The following PCCA variants were observed in gnomAD, a reference collection of about 807,000 sequenced individuals.
PCCA encodes propionyl-CoA carboxylase alpha chain, mitochondrial.
A neutral mutation model predicts 101.3 loss-of-function variants in PCCA; 74 were observed. The ratio of observed to expected loss-of-function variants is 0.73; its 90% confidence interval spans 0.61 to 0.89. PCCA has a LOEUF of 0.89. PCCA is among the 40% of genes least tolerant of loss of function. PCCA has a pLI of 0.00. For missense variants in PCCA, 891 were observed against 907.0 expected (o/e 0.98, Z 0.23); for synonymous variants, 294 against 313.6 (o/e 0.94, Z 0.66).
intron 16 of PCCA, among the ~76,000 whole-genome samples, chr13:100,322,570 A>AT (rs1273935973): frequency 5.7e-4 from 83 of 145,332 alleles, no homozygotes; most frequent in South Asian, 1.5e-3. Context: ...CTTTTTTTTA[A>AT]TTTTTTTTTT....
chr13:100,168,083 G>T (rs1434997121), intron 6 of PCCA, among the ~76,000 whole-genome samples: 2 of 152,062 alleles, frequency 1.3e-5, no homozygotes, highest in East Asian at 3.9e-4. Flanking sequence ...TAACAATCCA[G>T]TTGAACACAT....
In PCCA at chr13:100,226,617, C is replaced by A. The variant is rs576600932; in HGVS notation, c.601-9225C>A. On this transcript the variant is annotated intron_variant, in intron 7 of 23. Coordinates refer to ENST00000376285, the MANE Select transcript of PCCA (RefSeq NM_000282.4). The stretch of plus-strand genomic sequence containing the variant: ...TACCGAGTTCGTAGATCGTCTGATC[C>A]AGTGCATTATAAGAGAGGAAGTACA... Among the ~76,000 whole-genome samples, 2 of 152,248 alleles carry A rather than the reference C, an allele frequency of 1.3e-5. 1 individual carries two copies. Among genetic ancestry groups the A allele is most frequent in the South Asian group, 4.2e-4 (2 of 4,818 alleles).
chr13:100,115,732 G>A (rs568156440), intron 4 of PCCA, among the ~76,000 whole-genome samples: 3 of 152,134 alleles, frequency 2.0e-5, no homozygotes, highest in African/African-American at 7.2e-5. Context: ...CAAAAGAATT[G>A]TTGTTAGGTT....
chr13:100,095,991 G>A (rs1305908101), intron 1 of PCCA, among the ~76,000 whole-genome samples: 1 of 152,312 alleles, frequency 6.6e-6, no homozygotes, highest in East Asian at 1.9e-4. Flanking sequence ...CCAAGCTAGA[G>A]ATGATGGTAA....
intron 7 of PCCA, among the ~76,000 whole-genome samples, chr13:100,233,692 A>AG (rs2060622627): frequency 1.3e-5 from 2 of 152,188 alleles, no homozygotes; most frequent in African/African-American, 4.8e-5. Flanking sequence ...GTCCTCAGTA[A>AG]AGTATTTTTG....
At chr13:100,489,340 T>C (rs2084702245) in intron 21 of PCCA, among the ~76,000 whole-genome samples, 1 of 152,052 alleles carries the variant, frequency 6.6e-6, no homozygotes, top group Non-Finnish European at 1.5e-5. Flanking sequence ...AACACAGCCA[T>C]GCTCATTCCT....
intron 19 of PCCA, among the ~76,000 whole-genome samples, chr13:100,383,770 A>G (rs973537520): frequency 1.3e-5 from 2 of 152,206 alleles, no homozygotes; most frequent in Non-Finnish European, 2.9e-5. Flanking sequence ...TGTAGTATTC[A>G]TATAATTGAA....
intron 16 of PCCA, among the ~76,000 whole-genome samples, chr13:100,312,153 C>T (rs748080318): frequency 1.3e-5 from 2 of 152,054 alleles, no homozygotes; most frequent in Non-Finnish European, 2.9e-5. Flanking sequence ...TGATACTATC[C>T]CTGATTTCAA....
At chr13:100,203,496 C>T (rs1446390904) in intron 6 of PCCA, among the ~76,000 whole-genome samples, 1 of 151,988 alleles carries the variant, frequency 6.6e-6, no homozygotes, top group African/African-American at 2.4e-5. Context: ...TCGAGACCAG[C>T]TCGGCCAACA....
At chr13:100,132,321 G>GAGTCATTACCCCTCAGAC (rs1555353088) in intron 4 of PCCA, among the ~76,000 whole-genome samples, 3 of 151,930 alleles carry the variant, frequency 2.0e-5, no homozygotes, top group African/African-American at 2.4e-5. Context: ...ACTCCCTTGT[G>GAGTCATTACCCCTCAGAC]TATCCCATTA....
intron 12 of PCCA, among the ~76,000 whole-genome samples, chr13:100,292,745 T>C (rs533108701): frequency 1.3e-5 from 2 of 152,334 alleles, no homozygotes; most frequent in South Asian, 4.1e-4. Flanking sequence ...ACAAACATAT[T>C]TGAAATATTA....
chr13:100,242,868 A>T (rs2061229494), intron 8 of PCCA, among the ~76,000 whole-genome samples: 2 of 152,244 alleles, frequency 1.3e-5, no homozygotes, highest in African/African-American at 4.8e-5. Context: ...TATTAATTTG[A>T]TTACTATTTT....
In PCCA at chr13:100,395,793, A is replaced by C. The variant is rs377421275; in HGVS notation, c.1746+27219A>C. Among the ~76,000 whole-genome samples the C allele has an allele frequency of 1.1e-3, 165 of 152,274 alleles. 6 individuals are homozygous for C. The South Asian group carries it at 0.031, about 29-fold the overall frequency. On this transcript the variant is annotated intron_variant, in intron 19 of 23. Transcript: ENST00000376285. ...ATCTCAGAAGGCAGAACATTTGGTAATTATCTTTTATATCAATTTGCAAGA... is the reference window on the plus strand; with the variant it reads ...ATCTCAGAAGGCAGAACATTTGGTACTTATCTTTTATATCAATTTGCAAGA...
chr13:100,285,098 A>G (rs190431105), intron 12 of PCCA, among the ~76,000 whole-genome samples: 1 of 152,338 alleles, frequency 6.6e-6, no homozygotes, highest in Admixed American at 6.5e-5. Flanking sequence ...GCCCTCATCA[A>G]GGAACGAATA....
intron 7 of PCCA, among the ~76,000 whole-genome samples, chr13:100,235,309 A>T (rs1399200910): frequency 1.3e-5 from 2 of 151,888 alleles, no homozygotes; most frequent in African/African-American, 2.4e-5. Flanking sequence ...AACAATAGAA[A>T]AGAAAAGGTA....
chr13:100,134,966 T>C (rs2050983407), intron 4 of PCCA, among the ~76,000 whole-genome samples: 1 of 149,190 alleles, frequency 6.7e-6, no homozygotes. Context: ...GGCCTCAAAC[T>C]CCTGGGCTCA....
chr13:100,286,879 A>C (rs1239591313), intron 12 of PCCA, among the ~76,000 whole-genome samples: 1 of 151,858 alleles, frequency 6.6e-6, no homozygotes, highest in Admixed American at 6.6e-5. Flanking sequence ...CTTGTATAGA[A>C]AGTTTTTATT....
At chr13:100,179,943 T>C (rs931092368) in intron 6 of PCCA, among the ~76,000 whole-genome samples, 1 of 151,754 alleles carries the variant, frequency 6.6e-6, no homozygotes, top group African/African-American at 2.4e-5. Flanking sequence ...AATATAGAGA[T>C]TGGATATAGA....
Position 100,155,194 on chromosome 13 carries a change from T to TG in PCCA, c.414+103dup, listed in dbSNP as rs377024672. The TG allele has an allele frequency of 3.6e-4, 297 of 826,788 alleles. 3 individuals carry two copies. The African/African-American group carries it at 4.1e-3, about 12-fold the overall frequency. 51.2% of individuals were successfully genotyped at this position (826,788 alleles called of 1,614,324 possible). A position where few individuals can be genotyped will look rare whatever the true frequency, so the allele number is the denominator to read the frequency against. ...AAAAATAGGAAAGAATGATTGAAAATGCTGTTGCAGTTAGTTCATGTCACA... is the reference window on the plus strand; with the variant it reads ...AAAAATAGGAAAGAATGATTGAAAATGGCTGTTGCAGTTAGTTCATGTCACA... On this transcript the variant is annotated intron_variant, in intron 5 of 23. Transcript: ENST00000376285.
Sources: allele counts gnomAD v4.1 joint callset (sites outside exome capture counted in the v4.1 genomes callset), GRCh38; gene constraint gnomAD v4.1.1; transcripts MANE v1.5; gene names NCBI Gene and HGNC (gene_info 2026-07-23, HGNC 2026-07-21).